GABRB1: variants seen among roughly 807,000 people sequenced by gnomAD.
GABRB1 encodes the protein gamma-aminobutyric acid receptor subunit beta-1.
Under a neutral mutation model 51.6 loss-of-function variants are expected in GABRB1, and 17 were observed. The ratio of observed to expected loss-of-function variants is 0.33; its 90% confidence interval spans 0.23 to 0.49. The LOEUF is 0.49. Ranked by LOEUF, GABRB1 falls within the 20% of genes least tolerant of loss-of-function variation. GABRB1 has a pLI of 0.99. For synonymous variants in GABRB1, 247 were observed against 218.9 expected (o/e 1.13, Z -1.14); for missense variants, 410 against 600.6 (o/e 0.68, Z 3.32).
chr4:47,404,482 C>T (rs899394645), intron 7 of GABRB1, among the ~76,000 whole-genome samples: 4 of 119,656 alleles, frequency 3.3e-5, no homozygotes, highest in African/African-American at 1.3e-4. Flanking sequence ...AATTCTCACA[C>T]ACGCATGCAC....
chr4:47,091,565 C>T (rs1340334704), intron 3 of GABRB1, among the ~76,000 whole-genome samples: 1 of 152,094 alleles, frequency 6.6e-6, no homozygotes, highest in East Asian at 1.9e-4. Flanking sequence ...ATTGTCCATT[C>T]ATTCTGTTCC....
intron 4 of GABRB1, among the ~76,000 whole-genome samples, chr4:47,218,358 T>C (rs1720635264): frequency 6.6e-6 from 1 of 151,876 alleles, no homozygotes; most frequent in Non-Finnish European, 1.5e-5. Flanking sequence ...CACCCAATAA[T>C]GGGATTGCTG....
intron 5 of GABRB1, among the ~76,000 whole-genome samples, chr4:47,343,099 C>T (rs1476990366): frequency 6.6e-6 from 1 of 151,602 alleles, no homozygotes; most frequent in Non-Finnish European, 1.5e-5. Flanking sequence ...GTTTAATATG[C>T]TTGTGCACGG....
At chr4:47,087,329 G>A (rs1377235333) in intron 3 of GABRB1, among the ~76,000 whole-genome samples, 1 of 151,934 alleles carries the variant, frequency 6.6e-6, no homozygotes, top group African/African-American at 2.4e-5. Context: ...GTGCCATTAT[G>A]ATTACATATA....
At chr4:47,041,532 A>T (rs1725837012) in intron 3 of GABRB1, among the ~76,000 whole-genome samples, 1 of 151,832 alleles carries the variant, frequency 6.6e-6, no homozygotes, top group South Asian at 2.1e-4. Context: ...AGATGCCTTG[A>T]CTCTTGTTGC....
intron 3 of GABRB1, among the ~76,000 whole-genome samples, chr4:47,096,394 T>C (rs148061315): frequency 1.3e-5 from 2 of 152,038 alleles, no homozygotes; most frequent in Non-Finnish European, 2.9e-5. Context: ...CTGCAAAGTG[T>C]TTGTGGTTTT....
intron 5 of GABRB1, among the ~76,000 whole-genome samples, chr4:47,349,485 GA>G: frequency 6.6e-6 from 1 of 152,304 alleles, no homozygotes; most frequent in Non-Finnish European, 1.5e-5. Flanking sequence ...AATCATAAAT[GA>G]AAAATTCCAA....
chr4:47,042,753 A>G (rs1711933543), intron 3 of GABRB1, among the ~76,000 whole-genome samples: 1 of 151,934 alleles, frequency 6.6e-6, no homozygotes, highest in African/African-American at 2.4e-5. Context: ...AAAGACCTAA[A>G]CATAAAAGTA....
chr4:47,304,783 T>C (rs560313388), intron 4 of GABRB1, among the ~76,000 whole-genome samples: 3 of 152,112 alleles, frequency 2.0e-5, no homozygotes, highest in African/African-American at 7.2e-5. Context: ...ATTTTATGTA[T>C]GGAGCTACTA....
At chr4:47,252,760 G>A (rs1243737792) in intron 4 of GABRB1, among the ~76,000 whole-genome samples, 2 of 151,948 alleles carry the variant, frequency 1.3e-5, no homozygotes, top group Admixed American at 6.6e-5. Flanking sequence ...CACCCAAAGT[G>A]GAGGATCTCA....
At chr4:47,124,288 C>A (rs902550061) in intron 3 of GABRB1, among the ~76,000 whole-genome samples, 1 of 152,022 alleles carries the variant, frequency 6.6e-6, no homozygotes, top group South Asian at 2.1e-4. Context: ...GGATAACTGG[C>A]AACAACTGCG....
At chr4:47,232,567 A>G (rs1721180035) in intron 4 of GABRB1, among the ~76,000 whole-genome samples, 1 of 152,308 alleles carries the variant, frequency 6.6e-6, no homozygotes, top group African/African-American at 2.4e-5. Context: ...ACTTGATTAC[A>G]GTATCTCCAT....
At chr4:47,212,677 TCAAAAA>T (rs1720409611) in intron 4 of GABRB1, among the ~76,000 whole-genome samples, 1 of 151,942 alleles carries the variant, frequency 6.6e-6, no homozygotes, top group Non-Finnish European at 1.5e-5. Context: ...AGACACTGTC[TCAAAAA>T]CAAAAACAAA....
chr4:47,370,773 C>A (rs1727161789), intron 5 of GABRB1, among the ~76,000 whole-genome samples: 2 of 152,170 alleles, frequency 1.3e-5, no homozygotes, highest in African/African-American at 2.4e-5. Context: ...CCTCTAAATT[C>A]TTGGACTTGA....
At chr4:47,288,627 C>G (rs1317996775) in intron 4 of GABRB1, among the ~76,000 whole-genome samples, 2 of 152,134 alleles carry the variant, frequency 1.3e-5, no homozygotes, top group Non-Finnish European at 2.9e-5. Context: ...AAGTCTATGA[C>G]TGGGATGTTT....
chr4:47,010,416 A>T (rs186046878), intron 1 of GABRB1, among the ~76,000 whole-genome samples: 16 of 152,352 alleles, frequency 1.1e-4, no homozygotes, highest in African/African-American at 3.8e-4. Flanking sequence ...AAGTAACAAA[A>T]TAAAGATCAC....
intron 5 of GABRB1, among the ~76,000 whole-genome samples, chr4:47,390,468 G>A (rs1422150181): frequency 1.3e-5 from 2 of 152,234 alleles, no homozygotes; most frequent in Admixed American, 6.5e-5. Context: ...ATCCAAAATA[G>A]AGTGTTTCAA....
At chr4:47,343,391 C>A (rs368050283) in intron 5 of GABRB1, among the ~76,000 whole-genome samples, 23 of 152,176 alleles carry the variant, frequency 1.5e-4, no homozygotes, top group African/African-American at 5.3e-4. Context: ...CAACTCTAAA[C>A]ACAATTCAGC....
chr4:47,099,840 A>AC (rs1714644053), intron 3 of GABRB1, among the ~76,000 whole-genome samples: 1 of 151,688 alleles, frequency 6.6e-6, no homozygotes, highest in Admixed American at 6.6e-5. Flanking sequence ...ACTTAAAAAA[A>AC]AACAACCAAA....
Sources: gnomAD v4.1 joint callset for allele counts (sites outside exome capture counted in the v4.1 genomes callset) on GRCh38, gnomAD v4.1.1 for gene constraint, MANE v1.5 for transcripts, NCBI Gene and HGNC (gene_info 2026-07-23, HGNC 2026-07-21) for gene names.